The following GRID2 variants were observed in gnomAD, a reference collection of about 807,000 sequenced individuals.
GRID2 encodes glutamate ionotropic receptor delta type subunit 2, also known as glutamate receptor ionotropic, delta-2.
In GRID2, 33 loss-of-function variants were observed where a neutral mutation model predicts 114.8. That is an observed-to-expected ratio of 0.29 (90% confidence interval 0.22 to 0.38). The LOEUF is 0.38. Among genes scored for constraint, GRID2 ranks in the 10% least tolerant of loss-of-function variants. GRID2 has a pLI of 1.00. For missense variants in GRID2, 1,184 were observed against 1,257.7 expected, an observed-to-expected ratio of 0.94 and a Z score of 0.89; for synonymous variants, 505 against 449.9, an observed-to-expected ratio of 1.12 and a Z score of -1.55.
chr4:93,088,058 T>C (rs1440227121), intron 3 of GRID2, among the ~76,000 whole-genome samples: 2 of 152,136 alleles, frequency 1.3e-5, no homozygotes, highest in African/African-American at 4.8e-5. Context: ...AAAATGTATT[T>C]TGTATAGAAA....
In GRID2 at chr4:93,722,980, T is replaced by C. The variant is rs576825946; in HGVS notation, c.2361-46230T>C. Among the ~76,000 whole-genome samples, 242 of 152,344 alleles carry C rather than the reference T, an allele frequency of 1.6e-3. 1 individual carries two copies. Among genetic ancestry groups the C allele is most frequent in the Non-Finnish European group, 2.6e-3 (175 of 68,028 alleles). ...ATCCCACTCCAACTTCTCTGTGTTC[T>C]GGGTACAGTGGTAAGTGGTGTTTCT... On this transcript the variant is annotated intron_variant, in intron 14 of 15. Coordinates refer to ENST00000282020, the MANE Select transcript of GRID2 (RefSeq NM_001510.4).
At chr4:92,854,873 G>A (rs1744070008) in intron 2 of GRID2, among the ~76,000 whole-genome samples, 1 of 151,846 alleles carries the variant, frequency 6.6e-6, no homozygotes, top group Admixed American at 6.6e-5. Context: ...CAATCTCTTT[G>A]CCATAATGAA....
At position 93,626,313 on chromosome 4, in the gene GRID2, G is replaced by A; in HGVS notation, c.2238G>A (p.Leu746=). The change falls in exon 14 of 16, where the codon TTG becomes TTA. Residue 746 remains leucine (L), a synonymous_variant. Coordinates refer to ENST00000282020, the MANE Select transcript of GRID2 (RefSeq NM_001510.4). The part of the protein sequence containing the change: ...NYAFVWDAAV[L]EYVAINDPDC... ...CTTTCGTATGGGATGCAGCTGTATT[G>A]GAATATGTGGCTATCAATGACCCAG... 1 of 1,602,220 alleles carries A rather than the reference G, an allele frequency of 6.2e-7. No homozygotes were observed. The highest frequency in any genetic ancestry group is 1.1e-5 in the South Asian group (1 of 90,720).
chr4:93,316,489 A>G (rs1756679432), intron 8 of GRID2, among the ~76,000 whole-genome samples: 1 of 152,150 alleles, frequency 6.6e-6, no homozygotes, highest in South Asian at 2.1e-4. Context: ...CATATCAACC[A>G]CAGGGAAAAA....
At chr4:92,892,692 A>C (rs1037446074) in intron 2 of GRID2, among the ~76,000 whole-genome samples, 1 of 152,214 alleles carries the variant, frequency 6.6e-6, no homozygotes, top group African/African-American at 2.4e-5. Context: ...AAAAATATAA[A>C]CATAATTTTA....
At chr4:93,805,787 G>A (rs977359544) in intron 1 of GRID2, among the ~76,000 whole-genome samples, 1 of 152,174 alleles carries the variant, frequency 6.6e-6, no homozygotes, top group African/African-American at 2.4e-5. Flanking sequence ...AAGAAAAAGG[G>A]AAGTTTCTTA....
At chr4:92,319,317 G>A (rs890398770) in intron 1 of GRID2, among the ~76,000 whole-genome samples, 3 of 152,136 alleles carry the variant, frequency 2.0e-5, no homozygotes, top group Non-Finnish European at 2.9e-5. Context: ...AAAGTAAGAT[G>A]TACTGTAATG....
chr4:92,371,107 T>C (rs1729096273), intron 1 of GRID2, among the ~76,000 whole-genome samples: 1 of 152,122 alleles, frequency 6.6e-6, no homozygotes, highest in African/African-American at 2.4e-5. Flanking sequence ...ATAAGGAAGC[T>C]GTAGAAGAAA....
intron 1 of GRID2, among the ~76,000 whole-genome samples, chr4:92,550,720 C>T (rs1726543253): frequency 6.6e-6 from 1 of 151,940 alleles, no homozygotes; most frequent in African/African-American, 2.4e-5. Context: ...AAAACGAAAA[C>T]ATGATGGGTC....
chr4:92,787,779 G>T (rs1042733168), intron 2 of GRID2, among the ~76,000 whole-genome samples: 1 of 151,778 alleles, frequency 6.6e-6, no homozygotes, highest in African/African-American at 2.4e-5. Flanking sequence ...TGATTGAGAG[G>T]TGTTACCATT....
At chr4:93,099,452 T>A (rs1399013304) in intron 3 of GRID2, among the ~76,000 whole-genome samples, 1 of 151,914 alleles carries the variant, frequency 6.6e-6, no homozygotes, top group Non-Finnish European at 1.5e-5. Flanking sequence ...GGTAACCTTA[T>A]ATAAATCTCC....
intron 14 of GRID2, among the ~76,000 whole-genome samples, chr4:93,678,276 G>C (rs957067052): frequency 1.3e-5 from 2 of 152,204 alleles, no homozygotes; most frequent in Non-Finnish European, 1.5e-5. Context: ...ATGGGAGTAT[G>C]TGAAAAGACC....
chr4:93,735,077 A>G (rs946505451), intron 14 of GRID2, among the ~76,000 whole-genome samples: 1 of 152,058 alleles, frequency 6.6e-6, no homozygotes, highest in African/African-American at 2.4e-5. Context: ...ACCAAGATGC[A>G]TCGTCAAATT....
chr4:93,756,141 T>C (rs1372670165), intron 14 of GRID2, among the ~76,000 whole-genome samples: 1 of 152,196 alleles, frequency 6.6e-6, no homozygotes, highest in African/African-American at 2.4e-5. Context: ...AAAAACATCT[T>C]ACTTATTAAC....
At chr4:93,512,429 G>C (rs1438038022) in intron 12 of GRID2, among the ~76,000 whole-genome samples, 1 of 152,046 alleles carries the variant, frequency 6.6e-6, no homozygotes, top group African/African-American at 2.4e-5. Context: ...TCTATTTTGG[G>C]CTCCTGAAAT....
chr4:93,352,111 T>A (rs1490527223), intron 8 of GRID2, among the ~76,000 whole-genome samples: 1 of 152,066 alleles, frequency 6.6e-6, no homozygotes, highest in Non-Finnish European at 1.5e-5. Context: ...TAGAGAGCAC[T>A]TAATTCCTGA....
At chr4:93,011,627 C>A (rs1402056517) in intron 2 of GRID2, among the ~76,000 whole-genome samples, 1 of 152,070 alleles carries the variant, frequency 6.6e-6, no homozygotes, top group Non-Finnish European at 1.5e-5. Context: ...AGAGACCAAA[C>A]ATATTTCTTA....
chr4:93,282,757 A>C (rs190589769), intron 8 of GRID2, among the ~76,000 whole-genome samples: 1 of 152,024 alleles, frequency 6.6e-6, no homozygotes, highest in Non-Finnish European at 1.5e-5. Flanking sequence ...TTTATAAAGA[A>C]AAGAGTTTTA....
chr4:92,501,540 A>G (rs1723683078), intron 1 of GRID2, among the ~76,000 whole-genome samples: 2 of 152,138 alleles, frequency 1.3e-5, no homozygotes. Context: ...GTAAAGCACA[A>G]TGCCACAGCA....
Sources: gnomAD v4.1 joint callset for allele counts (sites outside exome capture counted in the v4.1 genomes callset) on GRCh38, gnomAD v4.1.1 for gene constraint, MANE v1.5 for transcripts, NCBI Gene and HGNC (gene_info 2026-07-23, HGNC 2026-07-21) for gene names.